Variants in CSMD1 observed in about 807,000 individuals in gnomAD.
CSMD1 encodes the protein CUB and Sushi multiple domains 1.
In CSMD1, 213 loss-of-function variants were observed where a neutral mutation model predicts 417.5. That is an observed-to-expected ratio of 0.51 (90% CI 0.46 to 0.57). CSMD1 has a LOEUF of 0.57. Ranked by LOEUF, CSMD1 falls within the 20% of genes least tolerant of loss-of-function variation. The pLI is 0.00. For synonymous variants in CSMD1, 2,862 were observed against 1,736.8 expected, an observed-to-expected ratio of 1.65 and a Z score of -16.11; for missense variants, 6,923 against 4,529.7, an observed-to-expected ratio of 1.53 and a Z score of -15.17.
At chr8:4,074,457 G>C (rs1036278643) in intron 3 of CSMD1, among the ~76,000 whole-genome samples, 1 of 152,010 alleles carries the variant, frequency 6.6e-6, no homozygotes, top group Non-Finnish European at 1.5e-5. Flanking sequence ...AGAAGCATTT[G>C]TCCATAAACC....
chr8:3,483,003 CAG>C (rs1234007399), intron 11 of CSMD1, among the ~76,000 whole-genome samples: 24 of 152,052 alleles, frequency 1.6e-4, no homozygotes, highest in Admixed American at 1.3e-3. Context: ...AAATTTATAA[CAG>C]TAAATGACTA....
intron 2 of CSMD1, among the ~76,000 whole-genome samples, chr8:4,453,810 GTTTCTT>G (rs1163307769): frequency 6.5e-5 from 6 of 93,010 alleles, no homozygotes; most frequent in Non-Finnish European, 8.8e-5. Context: ...TGCGCAATTC[GTTTCTT>G]TTTTTTTTTT....
At chr8:4,854,065 A>G (rs1296975300) in intron 1 of CSMD1, among the ~76,000 whole-genome samples, 1 of 152,170 alleles carries the variant, frequency 6.6e-6, no homozygotes, top group African/African-American at 2.4e-5. Flanking sequence ...CACAGGGGGA[A>G]CGAACTCATC....
intron 3 of CSMD1, among the ~76,000 whole-genome samples, chr8:4,415,352 A>T (rs796567864): frequency 1.3e-5 from 2 of 152,116 alleles, no homozygotes; most frequent in Non-Finnish European, 2.9e-5. Flanking sequence ...CTCCTTACTC[A>T]GGAAGATCCT....
intron 1 of CSMD1, among the ~76,000 whole-genome samples, chr8:4,851,967 G>GT (rs1345842047): frequency 1.3e-5 from 2 of 152,124 alleles, no homozygotes; most frequent in East Asian, 1.9e-4. Context: ...ACTAGTCTAA[G>GT]TTTTTTCCCT....
intron 50 of CSMD1, among the ~76,000 whole-genome samples, chr8:3,048,337 C>G (rs1224079063): frequency 6.6e-6 from 1 of 151,702 alleles, no homozygotes; most frequent in Admixed American, 6.6e-5. Context: ...CTGTCGTAGC[C>G]AAATAAAACG....
At chr8:4,153,001 T>C (rs1000871036) in intron 3 of CSMD1, among the ~76,000 whole-genome samples, 2 of 152,210 alleles carry the variant, frequency 1.3e-5, no homozygotes, top group East Asian at 3.9e-4. Context: ...ACAAATCTCG[T>C]AGCAAGTGCA....
rs77204472 is a variant in CSMD1 at position 4,305,229 on chromosome 8, G to T, written c.415+114724C>A. On this transcript the variant is annotated intron_variant, in intron 3 of 69. Transcript: ENST00000635120. ...CCCAACAGAGAAGGATGAAGTGCCAGCAAACTTTGAGGCTTAGCTAAATCG... is the reference window on the plus strand; with the variant it reads ...CCCAACAGAGAAGGATGAAGTGCCATCAAACTTTGAGGCTTAGCTAAATCG... Among the ~76,000 whole-genome samples the T allele has an allele frequency of 9.3e-4, 142 of 152,334 alleles. 1 individual carries two copies. The East Asian group carries it at 0.026, about 28-fold the overall frequency.
intron 1 of CSMD1, among the ~76,000 whole-genome samples, chr8:4,916,585 A>C (rs1165699047): frequency 6.6e-6 from 1 of 152,230 alleles, no homozygotes; most frequent in Non-Finnish European, 1.5e-5. Context: ...CAATAAATGT[A>C]AGTTGAAAAT....
At chr8:4,204,316 G>T (rs1033486294) in intron 3 of CSMD1, among the ~76,000 whole-genome samples, 5 of 150,768 alleles carry the variant, frequency 3.3e-5, no homozygotes. Flanking sequence ...CTCAGAATCA[G>T]AATAGTTTTT....
chr8:3,539,263 G>A (rs1238522199), intron 10 of CSMD1, among the ~76,000 whole-genome samples: 4 of 152,102 alleles, frequency 2.6e-5, no homozygotes, highest in African/African-American at 7.2e-5. Context: ...TCTCCTGGGC[G>A]GATTTAGATT....
rs1348658884 is a variant in CSMD1 at position 3,181,291 on chromosome 8, C to A, written c.5621-77G>T. 4 of 946,488 alleles carry A rather than the reference C, an allele frequency of 4.2e-6. No homozygotes were observed. The Admixed American group carries it at 8.6e-5, about 20-fold the overall frequency. The allele number at this position is 946,488 out of a possible 1,614,324, so 58.6% of individuals were successfully genotyped here. ...TCTAAATATAAAACATATGAGAATA[C>A]TTATTAGGCTTACAAATCCCTACAG... is the stretch of plus-strand genomic sequence containing the variant. On this transcript the variant is annotated intron_variant, in intron 36 of 69. Transcript: ENST00000635120.
chr8:3,986,426 T>A (rs1351095051), intron 5 of CSMD1, among the ~76,000 whole-genome samples: 1 of 152,162 alleles, frequency 6.6e-6, no homozygotes, highest in Non-Finnish European at 1.5e-5. Context: ...CGTTTCCACT[T>A]CAAGGTGAAA....
At chr8:3,345,891 T>C (rs1240521907) in intron 22 of CSMD1, among the ~76,000 whole-genome samples, 1 of 152,214 alleles carries the variant, frequency 6.6e-6, no homozygotes, top group Non-Finnish European at 1.5e-5. Flanking sequence ...TTTTCCATTC[T>C]ATATTCCTTT....
At chr8:3,390,570 G>A (rs575762979) in intron 17 of CSMD1, among the ~76,000 whole-genome samples, 18 of 151,796 alleles carry the variant, frequency 1.2e-4, no homozygotes, top group African/African-American at 4.1e-4. Context: ...TTGAAACGAC[G>A]TGTATATTCA....
chr8:3,765,759 T>G (rs555831778), intron 5 of CSMD1, among the ~76,000 whole-genome samples: 1 of 152,278 alleles, frequency 6.6e-6, no homozygotes, highest in East Asian at 1.9e-4. Context: ...TCTGGCATCC[T>G]CCTTTTGTTT....
intron 1 of CSMD1, among the ~76,000 whole-genome samples, chr8:4,926,004 T>C (rs1806844268): frequency 6.6e-6 from 1 of 152,230 alleles, no homozygotes; most frequent in Non-Finnish European, 1.5e-5. Flanking sequence ...CCAGGTTATA[T>C]TTAATGACTA....
At chr8:3,867,900 G>T (rs1805214919) in intron 5 of CSMD1, among the ~76,000 whole-genome samples, 1 of 151,926 alleles carries the variant, frequency 6.6e-6, no homozygotes, top group Admixed American at 6.6e-5. Context: ...CCAAGACTCT[G>T]TGTCACCTCC....
At chr8:3,987,115 C>T (rs1465022446) in intron 5 of CSMD1, among the ~76,000 whole-genome samples, 2 of 152,204 alleles carry the variant, frequency 1.3e-5, no homozygotes, top group Non-Finnish European at 2.9e-5. Flanking sequence ...TCCCAACTTA[C>T]TGGAATGTAT....
Sources: gnomAD v4.1 joint callset for allele counts (sites outside exome capture counted in the v4.1 genomes callset) on GRCh38, gnomAD v4.1.1 for gene constraint, MANE v1.5 for transcripts, NCBI Gene and HGNC (gene_info 2026-07-23, HGNC 2026-07-21) for gene names.